KIAA1671: variants seen among roughly 807,000 people sequenced by gnomAD.
The protein encoded by KIAA1671 is uncharacterized protein KIAA1671.
KIAA1671 carries 52 observed loss-of-function variants against 131.2 expected under a neutral mutation model. That is an observed-to-expected ratio of 0.40 (90% CI 0.32 to 0.50). KIAA1671 has a LOEUF of 0.50. Among genes scored for constraint, KIAA1671 ranks in the 20% least tolerant of loss-of-function variants. KIAA1671 has a pLI of 0.73. For synonymous variants in KIAA1671, 1,003 were observed against 961.6 expected (o/e 1.04, Z -0.80); for missense variants, 2,360 against 2,364.2 (o/e 1.00, Z 0.04).
At position 25,033,627 on chromosome 22, in the gene KIAA1671, G is replaced by T. The variant is rs1329047075; in HGVS notation, c.1629+931G>T. On this transcript the variant is annotated intron_variant, in intron 4 of 12. Transcript: ENST00000358431. ...GGAGTCTCCCTCTGTCGCTCAGGCTGGAGTGCAGTGATGTGATCTCGGCTC... is the reference window on the plus strand; with the variant it reads ...GGAGTCTCCCTCTGTCGCTCAGGCTTGAGTGCAGTGATGTGATCTCGGCTC... Among the ~76,000 whole-genome samples, 46 of 127,594 alleles carry T rather than the reference G, an allele frequency of 3.6e-4. 1 individual carries two copies. Among genetic ancestry groups the T allele is most frequent in the African/African-American group, 1.4e-3 (44 of 32,070 alleles). The allele number at this position is 127,594 out of a possible 152,430, so 83.7% of individuals were successfully genotyped here.
intron 6 of KIAA1671, among the ~76,000 whole-genome samples, chr22:25,071,371 C>T (rs1011078524): frequency 4.6e-5 from 7 of 152,176 alleles, no homozygotes; most frequent in African/African-American, 1.4e-4. Flanking sequence ...GCCTTTTAGC[C>T]GCCAGTCCCA....
intron 5 of KIAA1671, among the ~76,000 whole-genome samples, chr22:25,046,254 A>G (rs1310868009): frequency 6.6e-6 from 1 of 152,068 alleles, no homozygotes; most frequent in Non-Finnish European, 1.5e-5. Flanking sequence ...GTGAGCGGAG[A>G]TCGTGCCACT....
chr22:25,147,554 C>A (rs1304911786), intron 6 of KIAA1671, among the ~76,000 whole-genome samples: 1 of 152,148 alleles, frequency 6.6e-6, no homozygotes, highest in African/African-American at 2.4e-5. Flanking sequence ...ATGCCCTCCC[C>A]CTGGGATGCC....
intron 6 of KIAA1671, among the ~76,000 whole-genome samples, chr22:25,153,507 T>G (rs1452632761): frequency 2.6e-5 from 4 of 152,218 alleles, no homozygotes; most frequent in African/African-American, 9.7e-5. Context: ...AATATACCCA[T>G]GCATTGCCTT....
At chr22:25,026,777 G>A (rs1237033089) in intron 2 of KIAA1671, among the ~76,000 whole-genome samples, 1 of 152,022 alleles carries the variant, frequency 6.6e-6, no homozygotes, top group African/African-American at 2.4e-5. Flanking sequence ...CTTGAGGTTA[G>A]GTTTCAGCTG....
chr22:25,156,213 G>GAT (rs147626909), intron 6 of KIAA1671, among the ~76,000 whole-genome samples: 18,995 of 151,236 alleles, frequency 0.13, 1,301 homozygotes, highest in South Asian at 0.17. Context: ...TTTTAGTAGA[G>GAT]ATGGGGTTTC....
chr22:25,153,313 C>G (rs1247989951), intron 6 of KIAA1671, among the ~76,000 whole-genome samples: 3 of 152,152 alleles, frequency 2.0e-5, no homozygotes, highest in Non-Finnish European at 4.4e-5. Flanking sequence ...TGTGACTTTG[C>G]CCCCAGAACA....
At chr22:25,181,651 A>G (rs1934279535) in intron 9 of KIAA1671, 48 bp from the exon 10 acceptor site, 3 of 1,548,984 alleles carry the variant, frequency 1.9e-6, no homozygotes, top group Non-Finnish European at 1.7e-6. Flanking sequence ...GTAGGACCTC[A>G]ATACATGGCA....
chr22:25,144,084 T>G (rs1932842786), intron 6 of KIAA1671, among the ~76,000 whole-genome samples: 1 of 152,208 alleles, frequency 6.6e-6, no homozygotes, highest in Non-Finnish European at 1.5e-5. Context: ...GGGGCTTTGT[T>G]GTAAAAGTGT....
At chr22:25,123,823 A>G (rs1311558988) in intron 6 of KIAA1671, among the ~76,000 whole-genome samples, 2 of 152,158 alleles carry the variant, frequency 1.3e-5, no homozygotes, top group Non-Finnish European at 1.5e-5. Context: ...GAGATAATAA[A>G]TGTTTGTTGT....
At chr22:25,018,097 G>C (rs5996815) in intron 1 of KIAA1671, among the ~76,000 whole-genome samples, 32,426 of 151,184 alleles carry the variant, frequency 0.21, 3,532 homozygotes, top group East Asian at 0.4. Flanking sequence ...TTCTAGGAAA[G>C]CTCCCCTGAC....
intron 6 of KIAA1671, among the ~76,000 whole-genome samples, chr22:25,146,386 G>GAAAGGCAAAAACA (rs765572851): frequency 1.3e-5 from 2 of 152,002 alleles, no homozygotes; most frequent in Non-Finnish European, 2.9e-5. Flanking sequence ...TTTTTGTTTT[G>GAAAGGCAAAAACA]AAAGGCAGCA....
intron 1 of KIAA1671, among the ~76,000 whole-genome samples, chr22:25,006,900 C>T (rs1336031060): frequency 1.3e-5 from 2 of 152,176 alleles, no homozygotes; most frequent in Non-Finnish European, 2.9e-5. Context: ...TCTCAAGAGC[C>T]TTAACTTAAT....
chr22:25,081,336 C>T (rs1354093213), intron 6 of KIAA1671, among the ~76,000 whole-genome samples: 2 of 152,298 alleles, frequency 1.3e-5, no homozygotes, highest in Admixed American at 1.3e-4. Context: ...ATCCAGCCCT[C>T]GCTGCTCTGT....
At position 25,039,430 on chromosome 22, in the gene KIAA1671, C is replaced by T; in HGVS notation, c.2300C>T (p.Ser767Leu). 1 of 1,551,792 alleles carries T rather than the reference C, an allele frequency of 6.4e-7. No individual in the cohort carries two copies. The highest frequency in any genetic ancestry group is 8.7e-7 in the Non-Finnish European group (1 of 1,147,018). Residue 767 changes from serine (S) to leucine (L), a missense_variant, in exon 5 of 13, where the codon TCA becomes TTA. Ser to Leu is a moderately radical substitution (Grantham distance 145). Transcript: ENST00000358431. ...VTLRSLRSWL[S>L]LKDRQLSQEV... is the part of the protein sequence containing the mutation. The stretch of plus-strand genomic sequence containing the variant: ...CTCCGCAGCCTCAGGTCTTGGCTCT[C>T]ACTGAAGGACAGGCAGCTGTCCCAG...
intron 6 of KIAA1671, among the ~76,000 whole-genome samples, chr22:25,169,807 C>G (rs1933779739): frequency 1.3e-5 from 2 of 152,214 alleles, no homozygotes; most frequent in Admixed American, 6.5e-5. Context: ...CAGCAACAGA[C>G]CGGGTTGCAA....
intron 6 of KIAA1671, among the ~76,000 whole-genome samples, chr22:25,076,434 G>C (rs1020603138): frequency 1.3e-5 from 2 of 152,184 alleles, no homozygotes; most frequent in East Asian, 1.9e-4. Flanking sequence ...TCACTTGGTG[G>C]TGGGATGTTT....
chr22:25,042,250 A>G (rs1926971615), intron 5 of KIAA1671, among the ~76,000 whole-genome samples: 1 of 152,218 alleles, frequency 6.6e-6, no homozygotes, highest in African/African-American at 2.4e-5. Context: ...TCTGTCCTAC[A>G]ATGACGATAA....
rs1926360590 is a variant in KIAA1671, at chr22:25,032,746, G to A, written c.1629+50G>A. On this transcript the variant is annotated intron_variant, in intron 4 of 12. Transcript: ENST00000358431. ...CTCTCATTAACCAGCGGGCAGTTAT[G>A]GCTGCTGGAGAAAGAGCCTCCATGA... 4 of 1,203,232 alleles carry A rather than the reference G, an allele frequency of 3.3e-6. No individual in the cohort carries two copies. The Admixed American group carries it at 8.6e-5, about 26-fold the overall frequency. 74.5% of individuals were successfully genotyped at this position (1,203,232 alleles called of 1,614,324 possible). A position where few individuals can be genotyped will look rare whatever the true frequency, so the allele number is the denominator to read the frequency against.
Sources: gnomAD v4.1 joint callset for allele counts (sites outside exome capture counted in the v4.1 genomes callset) on GRCh38, gnomAD v4.1.1 for gene constraint, MANE v1.5 for transcripts, NCBI Gene and HGNC (gene_info 2026-07-23, HGNC 2026-07-21) for gene names.